Variants in ADGRL3 observed in about 807,000 individuals in gnomAD.
The protein encoded by ADGRL3 is adhesion G protein-coupled receptor L3, also known as calcium-independent alpha-latrotoxin receptor 3.
In ADGRL3, 62 loss-of-function variants were observed where a neutral mutation model predicts 153.5. The observed-to-expected ratio is 0.40, with a 90% CI of 0.33 to 0.50. The LOEUF is 0.50. ADGRL3 is among the 20% of genes least tolerant of loss of function. The pLI is 0.47. For missense variants in ADGRL3, 1,641 were observed against 1,859.4 expected, an observed-to-expected ratio of 0.88 and a Z score of 2.16; for synonymous variants, 710 against 672.5, an observed-to-expected ratio of 1.06 and a Z score of -0.86.
intron 5 of ADGRL3, among the ~76,000 whole-genome samples, chr4:61,657,001 A>G (rs72638531): frequency 0.14 from 20,793 of 152,176 alleles, 1,892 homozygotes; most frequent in Non-Finnish European, 0.2. Context: ...TTCAGTTTGC[A>G]CACTCTTGCC....
chr4:61,850,260 T>C (rs909107353), intron 9 of ADGRL3, among the ~76,000 whole-genome samples: 3 of 152,140 alleles, frequency 2.0e-5, no homozygotes, highest in African/African-American at 4.8e-5. Flanking sequence ...TTCTCCAATT[T>C]ATAGGTATAG....
At chr4:61,767,351 A>G (rs1218059037) in intron 8 of ADGRL3, among the ~76,000 whole-genome samples, 1 of 151,498 alleles carries the variant, frequency 6.6e-6, no homozygotes, top group Admixed American at 6.6e-5. Context: ...CCAGATGGGG[A>G]GTTTTAAGAG....
chr4:61,953,804 G>A (rs1246064919), intron 17 of ADGRL3, among the ~76,000 whole-genome samples: 1 of 152,194 alleles, frequency 6.6e-6, no homozygotes, highest in Non-Finnish European at 1.5e-5. Flanking sequence ...AAGATCAGAT[G>A]TATTTCATAA....
At chr4:61,851,403 A>G (rs2098200956) in intron 9 of ADGRL3, among the ~76,000 whole-genome samples, 1 of 152,096 alleles carries the variant, frequency 6.6e-6, no homozygotes, top group East Asian at 1.9e-4. Flanking sequence ...CCTGGACAGC[A>G]TAACGAGAGA....
At chr4:61,373,169 A>G (rs1417563666) in intron 1 of ADGRL3, among the ~76,000 whole-genome samples, 1 of 152,134 alleles carries the variant, frequency 6.6e-6, no homozygotes, top group East Asian at 1.9e-4. Flanking sequence ...TCAGATGGAA[A>G]TGCAGAAATC....
intron 4 of ADGRL3, among the ~76,000 whole-genome samples, chr4:61,532,753 A>T (rs1023501104): frequency 1.8e-4 from 24 of 131,148 alleles, no homozygotes; most frequent in African/African-American, 7.0e-4. Flanking sequence ...TTAGATGTTT[A>T]AAAAAAAAAA....
chr4:61,916,587 A>G (rs988795117), intron 13 of ADGRL3, among the ~76,000 whole-genome samples: 1 of 150,422 alleles, frequency 6.6e-6, no homozygotes, highest in African/African-American at 2.5e-5. Context: ...AGGCCACACA[A>G]GTAGCACTGA....
At chr4:62,017,099 G>GTGTT in intron 21 of ADGRL3, among the ~76,000 whole-genome samples, 1 of 152,072 alleles carries the variant, frequency 6.6e-6, no homozygotes, top group African/African-American at 2.4e-5. Context: ...GCACTCATTT[G>GTGTT]TGTTTTCTAT....
intron 17 of ADGRL3, among the ~76,000 whole-genome samples, chr4:61,959,297 T>C (rs548309733): frequency 6.6e-6 from 1 of 152,188 alleles, no homozygotes; most frequent in African/African-American, 2.4e-5. Context: ...AATGGTCTTA[T>C]AATTTATACT....
At chr4:62,051,616 AAAC>A (rs1734256508) in intron 25 of ADGRL3, among the ~76,000 whole-genome samples, 1 of 151,730 alleles carries the variant, frequency 6.6e-6, no homozygotes, top group African/African-American at 2.4e-5. Flanking sequence ...ACAGCCAACT[AAAC>A]AATAATAAAC....
chr4:61,921,338 C>T (rs2098768129), intron 13 of ADGRL3, among the ~76,000 whole-genome samples: 1 of 152,130 alleles, frequency 6.6e-6, no homozygotes, highest in South Asian at 2.1e-4. Context: ...CAGTGGTGCT[C>T]CCTTGCGGTT....
chr4:62,070,764 C>A lies in ADGRL3; in HGVS notation c.4488C>A (p.Gly1496=). ...DVYYKSMPNL[G]SRNHVHQLHT... The stretch of plus-strand genomic sequence containing the variant: ...ACTACAAAAGCATGCCAAACCTAGG[C>A]TCCAGAAACCACGTCCATCAGCTGC... The change falls in exon 27 of 27, where the codon GGC becomes GGA. Residue 1496 remains glycine (G), a synonymous_variant. Transcript: ENST00000683033. The A allele has an allele frequency of 6.4e-7, 1 of 1,551,628 alleles. No homozygotes were observed. The highest frequency in any genetic ancestry group is 8.7e-7 in the Non-Finnish European group (1 of 1,146,978).
intron 6 of ADGRL3, among the ~76,000 whole-genome samples, chr4:61,686,475 ATCAT>A (rs2095445766): frequency 1.3e-5 from 2 of 152,162 alleles, no homozygotes; most frequent in African/African-American, 4.8e-5. Context: ...AAAGCACTTC[ATCAT>A]TCAAATACTT....
intron 5 of ADGRL3, among the ~76,000 whole-genome samples, chr4:61,608,519 T>G (rs960838000): frequency 1.3e-5 from 2 of 152,200 alleles, no homozygotes; most frequent in African/African-American, 4.8e-5. Flanking sequence ...TGCAAACTCA[T>G]TCAGTCCACA....
chr4:61,670,943 A>T (rs2094970757), intron 5 of ADGRL3, among the ~76,000 whole-genome samples: 1 of 152,150 alleles, frequency 6.6e-6, no homozygotes, highest in Admixed American at 6.5e-5. Flanking sequence ...ACAGGCAACT[A>T]GAAAGTCCTT....
chr4:61,817,395 C>T (rs574159619), intron 9 of ADGRL3, among the ~76,000 whole-genome samples: 181 of 152,296 alleles, frequency 1.2e-3, no homozygotes, highest in Non-Finnish European at 1.9e-3. Flanking sequence ...AATTGGCATG[C>T]ACTTCCACCC....
intron 6 of ADGRL3, among the ~76,000 whole-genome samples, chr4:61,698,149 C>T (rs558703590): frequency 7.5e-4 from 114 of 151,934 alleles, no homozygotes; most frequent in African/African-American, 2.6e-3. Context: ...ATCACTGATG[C>T]GTTTGAAAAA....
chr4:61,852,873 G>A (rs941914890), intron 9 of ADGRL3, among the ~76,000 whole-genome samples: 1 of 151,598 alleles, frequency 6.6e-6, no homozygotes, highest in African/African-American at 2.4e-5. Flanking sequence ...GCTGTGTTTA[G>A]AGCATGTTAC....
At chr4:61,480,974 T>TA (rs1359385383) in intron 2 of ADGRL3, among the ~76,000 whole-genome samples, 3 of 152,130 alleles carry the variant, frequency 2.0e-5, no homozygotes, top group Non-Finnish European at 4.4e-5. Context: ...AAGACATTGA[T>TA]ATTTGCTGAA....
Sources: gnomAD v4.1 joint callset for allele counts (sites outside exome capture counted in the v4.1 genomes callset) on GRCh38, gnomAD v4.1.1 for gene constraint, MANE v1.5 for transcripts, NCBI Gene and HGNC (gene_info 2026-07-23, HGNC 2026-07-21) for gene names.